The following NETO1 variants were observed in gnomAD, a reference collection of about 807,000 sequenced individuals.
NETO1 encodes neuropilin and tolloid like 1.
NETO1 carries 26 observed loss-of-function variants against 61.3 expected under a neutral mutation model. The ratio of observed to expected loss-of-function variants is 0.42; its 90% CI spans 0.31 to 0.59. The LOEUF is 0.59. Ranked by LOEUF, NETO1 falls within the 20% of genes least tolerant of loss-of-function variation. The probability of loss-of-function intolerance (pLI) is 0.12; values close to 1 mark genes in which losing one functional copy is unlikely to be tolerated. For missense variants in NETO1, 531 were observed against 662.8 expected (o/e 0.80, Z 2.18); for synonymous variants, 225 against 225.8 (o/e 1.00, Z 0.03).
chr18:72,842,355 T>G (rs1320076929), intron 4 of NETO1, among the ~76,000 whole-genome samples: 1 of 152,172 alleles, frequency 6.6e-6, no homozygotes, highest in African/African-American at 2.4e-5. Flanking sequence ...AATAAACTCA[T>G]GGGATATAAT....
intron 4 of NETO1, among the ~76,000 whole-genome samples, chr18:72,831,385 T>C (rs7239639): frequency 0.24 from 36,740 of 152,172 alleles, 4,756 homozygotes; most frequent in Middle Eastern, 0.39. Flanking sequence ...TCCACTTCCA[T>C]ATCTCAAAGG....
intron 4 of NETO1, among the ~76,000 whole-genome samples, chr18:72,821,264 C>G (rs1024737112): frequency 1.7e-5 from 2 of 114,410 alleles, no homozygotes; most frequent in Non-Finnish European, 3.7e-5. Context: ...AAAATGGGTC[C>G]AGGCACAGTG....
chr18:72,753,094 A>AAAC (rs530381011), intron 8 of NETO1, among the ~76,000 whole-genome samples: 1 of 152,232 alleles, frequency 6.6e-6, no homozygotes, highest in Non-Finnish European at 1.5e-5. Context: ...GTAACAGGAA[A>AAAC]AACAACAACA....
intron 4 of NETO1, among the ~76,000 whole-genome samples, chr18:72,856,423 G>C (rs1007568554): frequency 3.3e-5 from 5 of 152,092 alleles, no homozygotes; most frequent in Non-Finnish European, 7.4e-5. Context: ...CCAATAACCT[G>C]TACCAAGCAT....
chr18:72,819,259 G>A (rs1487309107), intron 4 of NETO1, among the ~76,000 whole-genome samples: 1 of 152,096 alleles, frequency 6.6e-6, no homozygotes, highest in African/African-American at 2.4e-5. Context: ...AGGGAGTGCT[G>A]CCACCTATGT....
chr18:72,858,827 A>G lies in NETO1; in HGVS notation c.468T>C (p.Pro156=). ...TTTTTTTTTTAAGTACTTACTTACC[A>G]GGTGTGAAATTGTATCGAGCTGAAA... is the stretch of plus-strand genomic sequence containing the variant. ...MGFSARYNFT[P]DPDFKDLGAL... Residue 156 remains proline, a splice_region_variant and synonymous_variant, in exon 4 of 11, where the codon CCT becomes CCC. Coordinates refer to ENST00000327305, the MANE Select transcript of NETO1 (RefSeq NM_138966.5). 6.2e-7 allele frequency: 1 copy of G among 1,602,242 alleles called. No individual in the cohort carries two copies. The highest frequency in any genetic ancestry group is 1.1e-5 in the South Asian group (1 of 88,378).
chr18:72,837,859 C>T (rs559721351), intron 4 of NETO1, among the ~76,000 whole-genome samples: 1 of 152,244 alleles, frequency 6.6e-6, no homozygotes, highest in Non-Finnish European at 1.5e-5. Flanking sequence ...GCGTAAGAGC[C>T]AACAGCCACA....
intron 4 of NETO1, among the ~76,000 whole-genome samples, chr18:72,815,125 T>C (rs1307595012): frequency 6.6e-6 from 1 of 152,182 alleles, no homozygotes; most frequent in Non-Finnish European, 1.5e-5. Context: ...TTACTCATGT[T>C]GGTATAACTC....
intron 4 of NETO1, among the ~76,000 whole-genome samples, chr18:72,825,049 C>T (rs1471059054): frequency 6.6e-6 from 1 of 151,956 alleles, no homozygotes; most frequent in Non-Finnish European, 1.5e-5. Flanking sequence ...CCACCATAGA[C>T]AAGAAAGACA....
In NETO1 at chr18:72,765,715, C is replaced by T. The variant is rs1216204200; in HGVS notation, c.869-9568G>A. ...TACAGGCGTGAGCCACAGTGCCAGG[C>T]CAGAATAAAAATTATTTAAGCAACA... On this transcript the variant is annotated intron_variant, in intron 7 of 10. Transcript: ENST00000327305. 5.9e-5 allele frequency among the ~76,000 whole-genome samples: 9 copies of T among 152,082 alleles called. No individual in the cohort carries two copies. The South Asian group carries it at 1.2e-3, about 21-fold the overall frequency.
chr18:72,824,770 G>A (rs6566662), intron 4 of NETO1, among the ~76,000 whole-genome samples: 2 of 151,416 alleles, frequency 1.3e-5, no homozygotes, highest in Non-Finnish European at 2.9e-5. Flanking sequence ...TCCCAGCTAC[G>A]CCGGAGGCTA....
chr18:72,861,134 C>A (rs993050440), intron 3 of NETO1, among the ~76,000 whole-genome samples: 3 of 152,164 alleles, frequency 2.0e-5, no homozygotes, highest in Non-Finnish European at 4.4e-5. Context: ...TTCTCCATAC[C>A]TTCGCTCTTA....
At chr18:72,762,453 CCTT>C (rs1327426834) in intron 7 of NETO1, among the ~76,000 whole-genome samples, 3 of 152,040 alleles carry the variant, frequency 2.0e-5, no homozygotes, top group Middle Eastern at 3.4e-3. Context: ...ATTATATTTA[CCTT>C]TTTTGGAGAA....
chr18:72,805,285 A>T (rs1010094979), intron 4 of NETO1, among the ~76,000 whole-genome samples: 2 of 152,192 alleles, frequency 1.3e-5, no homozygotes, highest in African/African-American at 4.8e-5. Flanking sequence ...TTTTCCTATA[A>T]TACAAACTAA....
intron 4 of NETO1, among the ~76,000 whole-genome samples, chr18:72,814,477 A>T (rs558369094): frequency 5.9e-5 from 9 of 152,150 alleles, no homozygotes; most frequent in Admixed American, 3.9e-4. Flanking sequence ...AAAAAAGAAA[A>T]AAAAGAAATA....
intron 4 of NETO1, chr18:72,834,608 A>C: frequency 1.0e-6 from 1 of 983,338 alleles, no homozygotes; most frequent in Non-Finnish European, 1.2e-6. Flanking sequence ...GTCATGTTGG[A>C]GCTACAGGAA....
At chr18:72,803,617 T>C (rs978889590) in intron 4 of NETO1, among the ~76,000 whole-genome samples, 1 of 151,466 alleles carries the variant, frequency 6.6e-6, no homozygotes, top group African/African-American at 2.4e-5. Flanking sequence ...AGGCTGGGAG[T>C]TCAAGACCAG....
intron 6 of NETO1, among the ~76,000 whole-genome samples, chr18:72,788,270 C>A (rs2145251752): frequency 6.6e-6 from 1 of 152,134 alleles, no homozygotes; most frequent in South Asian, 2.1e-4. Context: ...ACGTCTGAAG[C>A]ATTCAGTAGT....
intron 7 of NETO1, among the ~76,000 whole-genome samples, chr18:72,782,644 A>G (rs1375951766): frequency 6.6e-6 from 1 of 152,056 alleles, no homozygotes; most frequent in African/African-American, 2.4e-5. Flanking sequence ...ATCTCTACTA[A>G]TAATACAAAA....
Sources: allele counts gnomAD v4.1 joint callset (sites outside exome capture counted in the v4.1 genomes callset), GRCh38; gene constraint gnomAD v4.1.1; transcripts MANE v1.5; gene names NCBI Gene and HGNC (gene_info 2026-07-23, HGNC 2026-07-21).